GULP1: variants seen among roughly 807,000 people sequenced by gnomAD.
The protein encoded by GULP1 is PTB domain-containing engulfment adapter protein 1.
A neutral mutation model predicts 40.9 loss-of-function variants in GULP1; 19 were observed. That is an observed-to-expected ratio of 0.46 (90% CI 0.32 to 0.68). The LOEUF (loss-of-function observed/expected upper bound fraction) is 0.68. GULP1 is among the 30% of genes least tolerant of loss of function. The probability of loss-of-function intolerance (pLI) is 0.03; values close to 1 mark genes in which losing one functional copy is unlikely to be tolerated. For missense variants in GULP1, 312 were observed against 362.2 expected, an observed-to-expected ratio of 0.86 and a Z score of 1.12; for synonymous variants, 119 against 117.6, an observed-to-expected ratio of 1.01 and a Z score of -0.08.
intron 1 of GULP1, among the ~76,000 whole-genome samples, chr2:188,312,611 G>A (rs1225607842): frequency 6.6e-6 from 1 of 152,120 alleles, no homozygotes; most frequent in Admixed American, 6.6e-5. Flanking sequence ...AAACATATGT[G>A]TGCATGTGTC....
chr2:188,573,766 A>G (rs1440517197), intron 9 of GULP1, among the ~76,000 whole-genome samples: 2 of 152,240 alleles, frequency 1.3e-5, no homozygotes, highest in African/African-American at 4.8e-5. Flanking sequence ...GAAGCATTGA[A>G]GTAAATTATG....
intron 2 of GULP1, among the ~76,000 whole-genome samples, chr2:188,451,010 G>C (rs1051132076): frequency 6.6e-6 from 1 of 152,266 alleles, no homozygotes; most frequent in Non-Finnish European, 1.5e-5. Context: ...TAGTAAATGG[G>C]TATATGCTAC....
intron 1 of GULP1, chr2:188,297,477 A>T: frequency 2.1e-6 from 1 of 478,044 alleles, no homozygotes. Context: ...GTTACAGTTG[A>T]TCCATTTCTT....
chr2:188,473,295 C>T (rs2060744929), intron 2 of GULP1, among the ~76,000 whole-genome samples: 2 of 152,160 alleles, frequency 1.3e-5, no homozygotes, highest in South Asian at 4.1e-4. Flanking sequence ...TGCCTGTTTT[C>T]TCTCAAGACC....
intron 1 of GULP1, among the ~76,000 whole-genome samples, chr2:188,375,890 A>G (rs1005636543): frequency 3.9e-5 from 6 of 152,118 alleles, no homozygotes; most frequent in African/African-American, 1.4e-4. Flanking sequence ...CTGTATCCTC[A>G]GGGGATTGAT....
intron 9 of GULP1, among the ~76,000 whole-genome samples, chr2:188,582,189 C>CT (rs1701459300): frequency 6.6e-6 from 1 of 152,152 alleles, no homozygotes. Flanking sequence ...AAAATCAACT[C>CT]TAACTCTATG....
intron 6 of GULP1, among the ~76,000 whole-genome samples, chr2:188,539,378 C>T (rs1349417460): frequency 6.6e-6 from 1 of 151,796 alleles, no homozygotes; most frequent in Non-Finnish European, 1.5e-5. Flanking sequence ...ATTTAATTGA[C>T]TATATTGTCA....
At chr2:188,571,692 C>T (rs1412201036) in intron 9 of GULP1, among the ~76,000 whole-genome samples, 1 of 152,168 alleles carries the variant, frequency 6.6e-6, no homozygotes, top group South Asian at 2.1e-4. Context: ...CCTTCCATCC[C>T]AAGATGGAAC....
Position 188,503,191 on chromosome 2 carries a change from A to T in GULP1, c.91-19565A>T, listed in dbSNP as rs546271240. ...ACACAAATTCTTGAACTTTCTTAAA[A>T]CATTATGAGGTTTTTCGGCATTTTT... On this transcript the variant is annotated intron_variant, in intron 4 of 11. Transcript: ENST00000409830. 2.0e-5 allele frequency among the ~76,000 whole-genome samples: 3 copies of T among 151,980 alleles called. No individual in the cohort carries two copies. The South Asian group carries it at 6.2e-4, about 32-fold the overall frequency.
chr2:188,330,665 A>G lies in GULP1; in HGVS notation c.-172+38499A>G, dbSNP rs539835769. Among the ~76,000 whole-genome samples the G allele has an allele frequency of 7.9e-5, 12 of 152,358 alleles. No individual in the cohort carries two copies. In the South Asian group the frequency reaches 1.4e-3, roughly 18 times the overall value. On this transcript the variant is annotated intron_variant, in intron 1 of 11. Transcript: ENST00000409830. ...TTGCAATAGTAAAGAAATCTTTATT[A>G]CCAAAAACAGTAGACTAGGAGTCAG...
intron 2 of GULP1, among the ~76,000 whole-genome samples, chr2:188,403,989 T>G (rs2052686452): frequency 6.6e-6 from 1 of 152,124 alleles, no homozygotes; most frequent in Non-Finnish European, 1.5e-5. Context: ...ATTGCTCTTT[T>G]TCAGTGTGTC....
chr2:188,551,421 T>C (rs1225093105), intron 7 of GULP1, among the ~76,000 whole-genome samples: 6 of 151,816 alleles, frequency 4.0e-5, no homozygotes, highest in Admixed American at 3.3e-4. Context: ...GAGCATGCAA[T>C]ATTTGTCTTT....
chr2:188,397,827 T>A (rs2051503796), intron 2 of GULP1, among the ~76,000 whole-genome samples: 1 of 152,218 alleles, frequency 6.6e-6, no homozygotes, highest in African/African-American at 2.4e-5. Context: ...GTCTTCCTCA[T>A]GAACAATCAA....
At chr2:188,529,586 A>T in intron 6 of GULP1, among the ~76,000 whole-genome samples, 1 of 152,130 alleles carries the variant, frequency 6.6e-6, no homozygotes, top group East Asian at 1.9e-4. Flanking sequence ...AGTGTGTATT[A>T]GTTTTTTACG....
At chr2:188,540,622 G>A (rs767398757) in intron 6 of GULP1, among the ~76,000 whole-genome samples, 10 of 151,808 alleles carry the variant, frequency 6.6e-5, no homozygotes, top group Non-Finnish European at 1.3e-4. Context: ...AGACAGAACA[G>A]GTTCAAGAGT....
At chr2:188,397,549 A>G (rs1211259607) in intron 2 of GULP1, among the ~76,000 whole-genome samples, 1 of 152,250 alleles carries the variant, frequency 6.6e-6, no homozygotes, top group Non-Finnish European at 1.5e-5. Context: ...GCTGATATGA[A>G]AAATTGAATC....
Position 188,522,835 on chromosome 2 carries a change from A to T in GULP1, c.162+8A>T. On this transcript the variant is annotated splice_region_variant and intron_variant, in intron 5 of 11. Coordinates refer to ENST00000409830, the MANE Select transcript of GULP1 (RefSeq NM_016315.4). ...GCTGTAAGGAAACTAAAGGTAGGGAAAGGCCTTCAAATAAATTACAAGTGT... is the reference window on the plus strand; with the variant it reads ...GCTGTAAGGAAACTAAAGGTAGGGATAGGCCTTCAAATAAATTACAAGTGT... The T allele has an allele frequency of 6.5e-7, 1 of 1,545,404 alleles. No homozygotes were observed. The highest frequency in any genetic ancestry group is 1.4e-5 in the African/African-American group (1 of 73,646).
intron 2 of GULP1, among the ~76,000 whole-genome samples, chr2:188,399,561 G>A (rs1358132796): frequency 6.6e-6 from 1 of 151,762 alleles, no homozygotes; most frequent in African/African-American, 2.4e-5. Context: ...GTTATTTAAA[G>A]CCATCAAACT....
intron 2 of GULP1, among the ~76,000 whole-genome samples, chr2:188,447,981 A>G (rs2058535221): frequency 6.6e-6 from 1 of 152,206 alleles, no homozygotes; most frequent in Non-Finnish European, 1.5e-5. Flanking sequence ...GAATATAGAG[A>G]TCATTCTGGT....
Sources: allele counts gnomAD v4.1 joint callset (sites outside exome capture counted in the v4.1 genomes callset), GRCh38; gene constraint gnomAD v4.1.1; transcripts MANE v1.5; gene names NCBI Gene and HGNC (gene_info 2026-07-23, HGNC 2026-07-21).